TLN2: variants seen among roughly 807,000 people sequenced by gnomAD.
TLN2 encodes the protein talin-2.
In TLN2, 118 loss-of-function variants were observed where a neutral mutation model predicts 294.7. That is an observed-to-expected ratio of 0.40 (90% CI 0.34 to 0.47). The LOEUF (loss-of-function observed/expected upper bound fraction) is 0.47, where lower values mean the gene tolerates loss of function less well. Among genes scored for constraint, TLN2 ranks in the 20% least tolerant of loss-of-function variants. TLN2 has a pLI of 0.84. For missense variants in TLN2, 3,083 were observed against 3,282.2 expected, an observed-to-expected ratio of 0.94 and a Z score of 1.48; for synonymous variants, 1,431 against 1,304.5, an observed-to-expected ratio of 1.10 and a Z score of -2.09.
chr15:62,420,314 C>A (rs1260068807), intron 1 of TLN2, among the ~76,000 whole-genome samples: 1 of 152,052 alleles, frequency 6.6e-6, no homozygotes, highest in Non-Finnish European at 1.5e-5. Context: ...ATTAACCAGT[C>A]CAGATTTTTC....
chr15:62,514,638 G>A (rs2040096031), intron 1 of TLN2, among the ~76,000 whole-genome samples: 1 of 152,162 alleles, frequency 6.6e-6, no homozygotes, highest in African/African-American at 2.4e-5. Context: ...AGTTAGTTTG[G>A]TGTATTATTT....
chr15:62,693,752 A>G (rs2058101548), intron 13 of TLN2, among the ~76,000 whole-genome samples: 1 of 152,160 alleles, frequency 6.6e-6, no homozygotes, highest in Non-Finnish European at 1.5e-5. Context: ...TACTATGTAA[A>G]ATTAAAGTCT....
intron 1 of TLN2, among the ~76,000 whole-genome samples, chr15:62,521,790 T>C (rs1412227997): frequency 6.6e-6 from 1 of 152,174 alleles, no homozygotes; most frequent in Non-Finnish European, 1.5e-5. Flanking sequence ...TGCAAATTTC[T>C]CCCATGAAAG....
intron 28 of TLN2, among the ~76,000 whole-genome samples, chr15:62,728,424 A>C (rs993088437): frequency 1.3e-5 from 2 of 152,180 alleles, no homozygotes; most frequent in African/African-American, 2.4e-5. Context: ...AGTCCGGTCC[A>C]CGTTGTTTAG....
chr15:62,778,225 G>A (rs888519171), intron 43 of TLN2, among the ~76,000 whole-genome samples: 1 of 152,204 alleles, frequency 6.6e-6, no homozygotes, highest in African/African-American at 2.4e-5. Context: ...AGAGGCCGCA[G>A]GCTCTACTTT....
At chr15:62,604,422 C>T (rs2047245059) in intron 2 of TLN2, among the ~76,000 whole-genome samples, 2 of 151,262 alleles carry the variant, frequency 1.3e-5, no homozygotes, top group Admixed American at 6.6e-5. Flanking sequence ...ATGCACCTCC[C>T]GTCCCAGCCA....
intron 52 of TLN2, among the ~76,000 whole-genome samples, chr15:62,810,817 C>A (rs2066631962): frequency 6.6e-6 from 1 of 152,162 alleles, no homozygotes; most frequent in African/African-American, 2.4e-5. Flanking sequence ...CCCAGAAGAG[C>A]GTTGATGATG....
Position 62,833,598 on chromosome 15 carries a change from C to T in TLN2, c.7097C>T (p.Ala2366Val). 6.2e-7 allele frequency: 1 copy of T among 1,614,134 alleles called. No homozygotes were observed. The highest frequency in any genetic ancestry group is 8.5e-7 in the Non-Finnish European group (1 of 1,180,018). ...ATSALVKSAS[A>V]AQRELVAQGK... Reference sequence around the variant, plus strand: ...AGCGCCCTGGTCAAATCGGCCTCAGCAGCCCAGAGGGAGCTGGTGGCCCAA... The same window carrying T: ...AGCGCCCTGGTCAAATCGGCCTCAGTAGCCCAGAGGGAGCTGGTGGCCCAA... Residue 2366 changes from alanine to valine, a missense_variant, in exon 55 of 59, where the codon GCA becomes GTA. By Grantham distance (64) the Ala-to-Val change is moderately conservative. Transcript: ENST00000636159.
intron 1 of TLN2, among the ~76,000 whole-genome samples, chr15:62,568,913 A>C (rs12907940): frequency 0.27 from 41,479 of 151,974 alleles, 6,235 homozygotes; most frequent in East Asian, 0.53. Context: ...AACACATGAC[A>C]ACAGCTGGTG....
intron 9 of TLN2, among the ~76,000 whole-genome samples, 187 bp from the exon 10 acceptor site, chr15:62,673,640 A>G (rs369889754): frequency 6.8e-6 from 1 of 146,720 alleles, no homozygotes; most frequent in Non-Finnish European, 1.5e-5. Flanking sequence ...GACCTTTTCT[A>G]TCATACTAGT....
chr15:62,803,047 G>A (rs2066040313), intron 50 of TLN2, among the ~76,000 whole-genome samples: 1 of 152,116 alleles, frequency 6.6e-6, no homozygotes, highest in African/African-American at 2.4e-5. Flanking sequence ...CTGTGCAAAA[G>A]CTTTTTAACT....
intron 2 of TLN2, among the ~76,000 whole-genome samples, chr15:62,617,223 C>T (rs1437449526): frequency 1.3e-5 from 2 of 151,872 alleles, no homozygotes; most frequent in East Asian, 1.9e-4. Flanking sequence ...GCAGCTGACA[C>T]ATGTCCAAGC....
chr15:62,823,257 C>G (rs1294308349), intron 54 of TLN2, among the ~76,000 whole-genome samples: 1 of 152,194 alleles, frequency 6.6e-6, no homozygotes, highest in Admixed American at 6.5e-5. Flanking sequence ...AACCTGCAAC[C>G]CAAACCATAG....
At chr15:62,734,577 C>T (rs1350653218) in intron 28 of TLN2, among the ~76,000 whole-genome samples, 1 of 152,222 alleles carries the variant, frequency 6.6e-6, no homozygotes, top group Non-Finnish European at 1.5e-5. Context: ...CAGATTGTTT[C>T]TCTCCTTCAC....
At position 62,686,681 on chromosome 15, in the gene TLN2, T is replaced by C; in HGVS notation, c.998T>C (p.Leu333Pro). ...AAGAACAAGCTGGTGCCTCGCCTGC[T>C]GGGGATCACCAAAGACTCGGTGATG... ...KGKNKLVPRLLGITKDSVMRV... is the reference protein window; with the variant it reads ...KGKNKLVPRLPGITKDSVMRV... Residue 333 changes from leucine (L) to proline (P), a missense_variant, in exon 12 of 59, where the codon CTG (leucine) becomes CCG (proline). Coordinates refer to ENST00000636159, the MANE Select transcript of TLN2 (RefSeq NM_015059.3). 6.2e-7 allele frequency: 1 copy of C among 1,614,018 alleles called. No individual in the cohort carries two copies. The highest frequency in any genetic ancestry group is 8.5e-7 in the Non-Finnish European group (1 of 1,179,954).
chr15:62,432,466 G>T (rs562274362), intron 1 of TLN2, among the ~76,000 whole-genome samples: 17 of 152,256 alleles, frequency 1.1e-4, no homozygotes, highest in African/African-American at 4.1e-4. Flanking sequence ...CACTCATGAG[G>T]TTGGAGCTCT....
Position 62,582,246 on chromosome 15 carries a change from A to ACACACACACACACACACC in TLN2, c.-237-7439_-237-7438insCACACACACACACACCCA, listed in dbSNP as rs764248336. Among the ~76,000 whole-genome samples, 563 of 137,292 alleles carry ACACACACACACACACACC rather than the reference A, an allele frequency of 4.1e-3. 10 individuals are homozygous for ACACACACACACACACACC. Among genetic ancestry groups the ACACACACACACACACACC allele is most frequent in the South Asian group, 6.5e-3 (26 of 3,978 alleles). The allele number at this position is 137,292 out of a possible 152,430, so 90.1% of individuals were successfully genotyped here. A position where few individuals can be genotyped will look rare whatever the true frequency, so the allele number is the denominator to read the frequency against. On this transcript the variant is annotated intron_variant, in intron 1 of 58. Transcript: ENST00000636159. Reference sequence around the variant, plus strand: ...CACACACACACACACACACACACACACATTCATGCCTGACCCATTCCTGAC... The same window carrying ACACACACACACACACACC: ...CACACACACACACACACACACACACACACACACACACACACACCCATTCATGCCTGACCCATTCCTGAC...
intron 1 of TLN2, among the ~76,000 whole-genome samples, chr15:62,543,106 A>G (rs2041793181): frequency 1.3e-5 from 2 of 152,148 alleles, no homozygotes; most frequent in South Asian, 4.1e-4. Flanking sequence ...CACTACAGGG[A>G]CAGGGCTAGG....
intron 1 of TLN2, among the ~76,000 whole-genome samples, chr15:62,524,246 TGTTTA>T (rs1365115810): frequency 2.6e-5 from 4 of 152,240 alleles, no homozygotes; most frequent in Admixed American, 1.3e-4. Context: ...TTACTGTTCA[TGTTTA>T]GTTTAGTTCA....
Sources: gnomAD v4.1 joint callset for allele counts (sites outside exome capture counted in the v4.1 genomes callset) on GRCh38, gnomAD v4.1.1 for gene constraint, MANE v1.5 for transcripts, NCBI Gene and HGNC (gene_info 2026-07-23, HGNC 2026-07-21) for gene names.